Variants in TBC1D22A observed in about 807,000 individuals in gnomAD.
TBC1D22A encodes the protein putative GTPase activator.
A neutral mutation model predicts 60.2 loss-of-function variants in TBC1D22A; 38 were observed. That is an observed-to-expected ratio of 0.63 (90% CI 0.49 to 0.83). The LOEUF is 0.83. Among genes scored for constraint, TBC1D22A ranks in the 40% least tolerant of loss-of-function variants. The pLI is 0.00. For synonymous variants in TBC1D22A, 302 were observed against 281.7 expected, an observed-to-expected ratio of 1.07 and a Z score of -0.72; for missense variants, 628 against 701.0, an observed-to-expected ratio of 0.90 and a Z score of 1.18.
At position 46,792,471 on chromosome 22, in the gene TBC1D22A, TG is replaced by T. The variant is rs747831199; in HGVS notation, c.63-46del. 1.9e-6 allele frequency: 3 copies of T among 1,613,610 alleles called. No homozygotes were observed. In the African/African-American group the frequency reaches 4.0e-5, roughly 22 times the overall value. On this transcript the variant is annotated intron_variant, in intron 1 of 12. Transcript: ENST00000337137. The stretch of plus-strand genomic sequence containing the variant: ...TTCGGCTGAGCTGGTGGAGGGCTCT[TG>T]GGAAGGCAGGAGAGAGGCTCACTGG...
At chr22:47,099,013 A>T (rs1329540512) in intron 11 of TBC1D22A, among the ~76,000 whole-genome samples, 1 of 152,212 alleles carries the variant, frequency 6.6e-6, no homozygotes, top group East Asian at 1.9e-4. Flanking sequence ...TTCCCATCCT[A>T]GCCAGTGGGG....
intron 12 of TBC1D22A, among the ~76,000 whole-genome samples, chr22:47,151,748 G>A (rs2067511810): frequency 6.6e-6 from 1 of 152,240 alleles, no homozygotes. Flanking sequence ...CCCTGCGTCT[G>A]CTCTGGGGTT....
intron 12 of TBC1D22A, among the ~76,000 whole-genome samples, chr22:47,115,413 G>A (rs568705433): frequency 2.3e-4 from 20 of 87,918 alleles, no homozygotes; most frequent in Admixed American, 5.5e-4. Flanking sequence ...GCCCTGCCCC[G>A]CCCCTTTAGC....
chr22:47,151,381 A>G (rs956816351), intron 12 of TBC1D22A, among the ~76,000 whole-genome samples: 8 of 152,376 alleles, frequency 5.3e-5, no homozygotes, highest in African/African-American at 1.9e-4. Flanking sequence ...AGGCAGCAGA[A>G]AAATCAATGT....
chr22:46,998,934 T>G (rs1231204207), intron 10 of TBC1D22A, among the ~76,000 whole-genome samples: 1 of 152,270 alleles, frequency 6.6e-6, no homozygotes, highest in African/African-American at 2.4e-5. Context: ...TTCTTTTCCC[T>G]GCCAGCACTT....
chr22:46,900,332 A>C (rs1357994374), intron 7 of TBC1D22A, among the ~76,000 whole-genome samples: 1 of 151,758 alleles, frequency 6.6e-6, no homozygotes, highest in Non-Finnish European at 1.5e-5. Flanking sequence ...TTATATTTTT[A>C]ATAGAGATGG....
intron 8 of TBC1D22A, among the ~76,000 whole-genome samples, chr22:46,972,496 G>A (rs1186197082): frequency 1.3e-5 from 2 of 152,212 alleles, no homozygotes; most frequent in Admixed American, 1.3e-4. Flanking sequence ...GCTGCCGCAT[G>A]GATGACTCTG....
intron 11 of TBC1D22A, among the ~76,000 whole-genome samples, chr22:47,085,149 C>T (rs1476606428): frequency 6.6e-6 from 1 of 152,086 alleles, no homozygotes; most frequent in East Asian, 1.9e-4. Context: ...GATATGGTGG[C>T]GTGTGCCTGT....
intron 12 of TBC1D22A, among the ~76,000 whole-genome samples, chr22:47,157,772 A>T (rs537532001): frequency 6.6e-6 from 1 of 152,172 alleles, no homozygotes; most frequent in Non-Finnish European, 1.5e-5. Context: ...GCCGGTGCCC[A>T]GATGGTGGCC....
chr22:46,918,001 CT>C (rs2070493886), intron 8 of TBC1D22A, among the ~76,000 whole-genome samples: 1 of 152,186 alleles, frequency 6.6e-6, no homozygotes, highest in African/African-American at 2.4e-5. Flanking sequence ...GACGCTGCCC[CT>C]GAAGAGCTGC....
chr22:47,064,667 G>A (rs1331322403), intron 11 of TBC1D22A, among the ~76,000 whole-genome samples: 1 of 152,196 alleles, frequency 6.6e-6, no homozygotes, highest in East Asian at 1.9e-4. Context: ...CGCCATCACC[G>A]TAACGCAGGA....
intron 8 of TBC1D22A, among the ~76,000 whole-genome samples, chr22:46,951,185 G>A (rs965167196): frequency 6.6e-5 from 10 of 152,148 alleles, no homozygotes; most frequent in Non-Finnish European, 1.2e-4. Context: ...GTTAATGATT[G>A]AGTGTATGTA....
At chr22:46,941,273 G>A (rs1467157481) in intron 8 of TBC1D22A, among the ~76,000 whole-genome samples, 1 of 144,994 alleles carries the variant, frequency 6.9e-6, no homozygotes, top group Non-Finnish European at 1.5e-5. Flanking sequence ...TGGGGCACTA[G>A]CACACATATA....
chr22:46,824,100 A>T (rs2085944965), intron 4 of TBC1D22A, among the ~76,000 whole-genome samples: 1 of 152,230 alleles, frequency 6.6e-6, no homozygotes. Flanking sequence ...TTATAAATTC[A>T]GTATATAATA....
At chr22:46,764,257 C>T (rs148043844) in intron 1 of TBC1D22A, 1 of 152,316 alleles carries the variant, frequency 6.6e-6, no homozygotes, top group South Asian at 2.1e-4. Flanking sequence ...ACAGTAAGAC[C>T]TTTCAACAAA....
chr22:47,136,854 G>A (rs1179869440), intron 12 of TBC1D22A, among the ~76,000 whole-genome samples: 1 of 152,046 alleles, frequency 6.6e-6, no homozygotes, highest in Non-Finnish European at 1.5e-5. Flanking sequence ...CGGTAGGGTG[G>A]TGGCAGATGT....
At chr22:46,978,603 G>A (rs1039597090) in intron 9 of TBC1D22A, among the ~76,000 whole-genome samples, 11 of 152,122 alleles carry the variant, frequency 7.2e-5, no homozygotes, top group African/African-American at 2.2e-4. Flanking sequence ...AAAAGGAAGC[G>A]TGTTTTTTGT....
At chr22:46,997,549 C>T (rs1186401292) in intron 9 of TBC1D22A, 85 bp from the exon 10 acceptor site, 18 of 1,053,850 alleles carry the variant, frequency 1.7e-5, no homozygotes, top group Non-Finnish European at 2.6e-5. Context: ...TAAAGCTGTT[C>T]ACTTTATCCC....
chr22:47,099,062 A>T (rs1294519787), intron 11 of TBC1D22A, among the ~76,000 whole-genome samples: 1 of 152,236 alleles, frequency 6.6e-6, no homozygotes, highest in African/African-American at 2.4e-5. Context: ...AGACCCTGAC[A>T]CAGGGGTCCC....
Sources: gnomAD v4.1 joint callset for allele counts (sites outside exome capture counted in the v4.1 genomes callset) on GRCh38, gnomAD v4.1.1 for gene constraint, MANE v1.5 for transcripts, NCBI Gene and HGNC (gene_info 2026-07-23, HGNC 2026-07-21) for gene names.